UBE3C: variants seen among roughly 807,000 people sequenced by gnomAD.
The protein encoded by UBE3C is ubiquitin-protein ligase E3C.
In UBE3C, 42 loss-of-function variants were observed where a neutral mutation model predicts 129.4. That is an observed-to-expected ratio of 0.32 (90% confidence interval 0.25 to 0.42). The LOEUF is 0.42. Ranked by LOEUF, UBE3C falls within the 10% of genes least tolerant of loss-of-function variation. UBE3C has a pLI of 1.00. For missense variants in UBE3C, 1,049 were observed against 1,319.1 expected, an observed-to-expected ratio of 0.80 and a Z score of 3.17; for synonymous variants, 510 against 492.4, an observed-to-expected ratio of 1.04 and a Z score of -0.47.
chr7:157,204,230 G>A (rs1809367387), intron 11 of UBE3C, among the ~76,000 whole-genome samples: 1 of 151,708 alleles, frequency 6.6e-6, no homozygotes, highest in African/African-American at 2.4e-5. Flanking sequence ...TCTGAAACTG[G>A]CACTCAATTT....
At position 157,268,305 on chromosome 7, in the gene UBE3C, T is replaced by C. The variant is rs1797133561; in HGVS notation, c.*550T>C. ...GGAAAAGAGATGATGATGGTAATATTTTATTTGTGCTTTTTAAGCCATTTC... is the reference window on the plus strand; with the variant it reads ...GGAAAAGAGATGATGATGGTAATATCTTATTTGTGCTTTTTAAGCCATTTC... On this transcript the variant is annotated 3_prime_UTR_variant, in exon 23 of 23. Transcript: ENST00000348165. The C allele has an allele frequency of 1.3e-5, 2 of 152,674 alleles. No individual in the cohort carries two copies. The highest frequency in any genetic ancestry group is 1.3e-4 in the Admixed American group (2 of 15,286). The allele number at this position is 152,674 out of a possible 1,614,324, so 9.5% of individuals were successfully genotyped here. A position where few individuals can be genotyped will look rare whatever the true frequency, so the allele number is the denominator to read the frequency against.
intron 22 of UBE3C, among the ~76,000 whole-genome samples, chr7:157,265,320 G>C (rs1797047238): frequency 6.6e-6 from 1 of 152,224 alleles, no homozygotes; most frequent in Non-Finnish European, 1.5e-5. Context: ...TTGTCTTCCT[G>C]TTGGAAGAGA....
At chr7:157,212,680 G>C (rs1206895797) in intron 13 of UBE3C, among the ~76,000 whole-genome samples, 1 of 152,222 alleles carries the variant, frequency 6.6e-6, no homozygotes, top group African/African-American at 2.4e-5. Context: ...AGGGAAACCT[G>C]CTTACAGCAT....
chr7:157,171,926 C>T (rs10240226), intron 4 of UBE3C, among the ~76,000 whole-genome samples: 17,318 of 149,234 alleles, frequency 0.12, 1,225 homozygotes, highest in African/African-American at 0.19. Flanking sequence ...AGGCTGGTCT[C>T]GAACTCCTGG....
chr7:157,145,565 C>G (rs1351305412), intron 1 of UBE3C, among the ~76,000 whole-genome samples: 1 of 152,114 alleles, frequency 6.6e-6, no homozygotes, highest in African/African-American at 2.4e-5. Flanking sequence ...TCCATCCCTC[C>G]CATCCCTGTA....
intron 22 of UBE3C, among the ~76,000 whole-genome samples, chr7:157,264,793 A>G (rs1470571000): frequency 6.6e-6 from 1 of 152,168 alleles, no homozygotes; most frequent in Non-Finnish European, 1.5e-5. Context: ...CTGGTCTCAG[A>G]AATCCTGACC....
intron 22 of UBE3C, among the ~76,000 whole-genome samples, chr7:157,262,713 G>A (rs552318831): frequency 8.1e-4 from 123 of 152,062 alleles, no homozygotes; most frequent in Non-Finnish European, 1.5e-3. Context: ...GAGCCACCGC[G>A]CCCATCCTCT....
chr7:157,181,624 T>G lies in UBE3C; in HGVS notation c.723T>G (p.Val241=), dbSNP rs1808668994. ...VPIAKILLEN[V]LKPLHFTYNS... ...TAGCAAAAATTTTGCTAGAGAATGT[T>G]CTAAAACCATTGCACTTTACTTACA... The change falls in exon 7 of 23, where the codon GTT becomes GTG. Residue 241 remains valine (V), a synonymous_variant. Coordinates refer to ENST00000348165, the MANE Select transcript of UBE3C (RefSeq NM_014671.3). 1 of 1,613,930 alleles carries G rather than the reference T, an allele frequency of 6.2e-7. No individual in the cohort carries two copies. The highest frequency in any genetic ancestry group is 2.2e-5 in the East Asian group (1 of 44,860).
chr7:157,262,848 G>T (rs1323199926), intron 22 of UBE3C, among the ~76,000 whole-genome samples: 2 of 152,204 alleles, frequency 1.3e-5, no homozygotes, highest in Non-Finnish European at 2.9e-5. Flanking sequence ...GGTGCCTGTT[G>T]TGCTTTGTGA....
At position 157,146,513 on chromosome 7, in the gene UBE3C, G is replaced by A. The variant is rs75857261; in HGVS notation, c.66+7175G>A. On this transcript the variant is annotated intron_variant, in intron 1 of 22. Coordinates refer to ENST00000348165, the MANE Select transcript of UBE3C (RefSeq NM_014671.3). ...TGGGATTACAGGCATGAGCCCCTGC[G>A]TCCGGCCTTTACGATCTGTTTCTAA... Among the ~76,000 whole-genome samples, 571 of 152,198 alleles carry A rather than the reference G, an allele frequency of 3.8e-3. 4 individuals are homozygous for A. The highest frequency in any genetic ancestry group is 0.013 in the African/African-American group (549 of 41,552).
rs1324701838 is a variant in UBE3C, at chr7:157,174,976, G to A, written c.400G>A (p.Gly134Arg). The A allele has an allele frequency of 1.9e-6, 3 of 1,612,540 alleles. No individual in the cohort carries two copies. In the African/African-American group the frequency reaches 4.0e-5, roughly 22 times the overall value. The part of the protein sequence containing the change: ...HSSLFVKQLD[G>R]SERLTCLFQI... ...CTCTCTGTTTGTCAAGCAGTTGGAT[G>A]GATCTGAGAGACTTACATGCTTATT... The change falls in exon 5 of 23, where the codon GGA becomes AGA. Residue 134 changes from glycine (G) to arginine (R), a missense_variant. Physicochemically the swap from Gly to Arg is moderately radical, Grantham distance 125. This residue lies in a region of UBE3C where 489 missense variants were observed against 513.8 expected (regional missense o/e 0.95). Transcript: ENST00000348165.
Position 157,269,005 on chromosome 7 carries a change from G to T in UBE3C, c.*1250G>T, listed in dbSNP as rs1423381933. ...TGTCATAGTTAATTGACCATAATTA[G>T]CAATATACTTTTAAAGTGGGAAAGC... is the stretch of plus-strand genomic sequence containing the variant. On this transcript the variant is annotated 3_prime_UTR_variant, in exon 23 of 23. Transcript: ENST00000348165. 1 of 152,596 alleles carries T rather than the reference G, an allele frequency of 6.6e-6. No homozygotes were observed. The highest frequency in any genetic ancestry group is 1.9e-4 in the East Asian group (1 of 5,200). 9.5% of individuals were successfully genotyped at this position (152,596 alleles called of 1,614,324 possible). A position where few individuals can be genotyped will look rare whatever the true frequency, so the allele number is the denominator to read the frequency against.
chr7:157,163,140 C>T (rs1467904464), intron 1 of UBE3C, among the ~76,000 whole-genome samples: 4 of 151,964 alleles, frequency 2.6e-5, no homozygotes, highest in Non-Finnish European at 5.9e-5. Context: ...AATCCCAGCA[C>T]TTTGGGAGGC....
chr7:157,166,679 G>A (rs1808222984), intron 2 of UBE3C, among the ~76,000 whole-genome samples: 1 of 149,868 alleles, frequency 6.7e-6, no homozygotes, highest in South Asian at 2.1e-4. Context: ...GGCGGAGGTT[G>A]TGGTGAGCTG....
At position 157,254,277 on chromosome 7, in the gene UBE3C, C is replaced by A; in HGVS notation, c.2917C>A (p.Leu973Ile). 1.2e-6 allele frequency: 2 copies of A among 1,613,324 alleles called. No individual in the cohort carries two copies. Among genetic ancestry groups the A allele is most frequent in the Non-Finnish European group, 1.7e-6 (2 of 1,179,834 alleles). Residue 973 changes from leucine to isoleucine, a missense_variant, in exon 21 of 23, where the codon CTA becomes ATA. Coordinates refer to ENST00000348165, the MANE Select transcript of UBE3C (RefSeq NM_014671.3). ...LISGAQVPIS[L>I]EDLKSFTNYS... ...TTCTGGTGCACAAGTTCCCATAAGCCTAGAGGACCTAAAATCCTTTACAAA... is the reference window on the plus strand; with the variant it reads ...TTCTGGTGCACAAGTTCCCATAAGCATAGAGGACCTAAAATCCTTTACAAA...
At chr7:157,219,423 C>T (rs1563061257) in intron 14 of UBE3C, among the ~76,000 whole-genome samples, 1 of 152,126 alleles carries the variant, frequency 6.6e-6, no homozygotes. Context: ...GATCGAGCAT[C>T]CCACACCACC....
chr7:157,189,649 C>T (rs1441443098), intron 10 of UBE3C, among the ~76,000 whole-genome samples: 2 of 152,184 alleles, frequency 1.3e-5, no homozygotes, highest in Non-Finnish European at 2.9e-5. Flanking sequence ...TCACATTCCT[C>T]GTCCTTCCTT....
intron 1 of UBE3C, among the ~76,000 whole-genome samples, chr7:157,161,765 T>G (rs1808077008): frequency 6.6e-6 from 1 of 152,122 alleles, no homozygotes. Flanking sequence ...GGCTTTACAT[T>G]TTGGCAATTA....
At chr7:157,230,454 T>C (rs943942642) in intron 17 of UBE3C, among the ~76,000 whole-genome samples, 2 of 151,300 alleles carry the variant, frequency 1.3e-5, no homozygotes, top group Non-Finnish European at 2.9e-5. Context: ...CCCAGCACTT[T>C]GGGAAGCCAA....
Sources: allele counts gnomAD v4.1 joint callset (sites outside exome capture counted in the v4.1 genomes callset), GRCh38; gene constraint gnomAD v4.1.1; regional missense constraint gnomAD v4.1.1; transcripts MANE v1.5; gene names NCBI Gene and HGNC (gene_info 2026-07-23, HGNC 2026-07-21).